CLTC: variants seen among roughly 807,000 people sequenced by gnomAD.
CLTC encodes the protein clathrin heavy chain, also known as clathrin heavy chain 1.
CLTC carries 16 observed loss-of-function variants against 195.8 expected under a neutral mutation model. The ratio of observed to expected loss-of-function variants is 0.08; its 90% CI spans 0.06 to 0.12. CLTC has a LOEUF of 0.12. Among genes scored for constraint, CLTC ranks in the 10% least tolerant of loss-of-function variants. The probability of loss-of-function intolerance (pLI) is 1.00; values close to 1 mark genes in which losing one functional copy is unlikely to be tolerated. For missense variants in CLTC, 796 were observed against 2,027.0 expected (o/e 0.39, Z 11.66); for synonymous variants, 667 against 689.4 (o/e 0.97, Z 0.51).
rs1036242446 is a variant in CLTC at position 59,696,280 on chromosome 17, G to A, written c.*2428G>A. ...CTCCTGTGCTGTCATATGCCTGTGC[G>A]AAGTGTATTAAATGAATCAAATATT... On this transcript the variant is annotated 3_prime_UTR_variant, in exon 32 of 32. Transcript: ENST00000269122. The A allele has an allele frequency of 3.6e-5, 8 of 221,800 alleles. No individual in the cohort carries two copies. The highest frequency in any genetic ancestry group is 1.1e-4 in the African/African-American group (5 of 44,660). The allele number at this position is 221,800 out of a possible 1,614,324, so 13.7% of individuals were successfully genotyped here. A position where few individuals can be genotyped will look rare whatever the true frequency, so the allele number is the denominator to read the frequency against.
At chr17:59,631,969 CA>C (rs201741031) in intron 1 of CLTC, among the ~76,000 whole-genome samples, 5,012 of 127,266 alleles carry the variant, frequency 0.039, 242 homozygotes, top group African/African-American at 0.14. Flanking sequence ...GACCCTATCT[CA>C]AAAAAAAAAA....
At position 59,642,299 on chromosome 17, in the gene CLTC, T is replaced by C. The variant is rs902202845; in HGVS notation, c.43-1977T>C. On this transcript the variant is annotated intron_variant, in intron 1 of 31. Coordinates refer to ENST00000269122, the MANE Select transcript of CLTC (RefSeq NM_004859.4). ...GTGGTTTTGAATTTAATTTCACTATTTGACTAACACTATTTTTACTCCGAC... is the reference window on the plus strand; with the variant it reads ...GTGGTTTTGAATTTAATTTCACTATCTGACTAACACTATTTTTACTCCGAC... Among the ~76,000 whole-genome samples the C allele has an allele frequency of 5.3e-4, 80 of 152,196 alleles. 2 individuals are homozygous for C. The highest frequency in any genetic ancestry group is 2.9e-4 in the African/African-American group (12 of 41,434).
intron 1 of CLTC, 105 bp downstream of exon 1, chr17:59,620,278 G>GT: frequency 8.3e-7 from 1 of 1,202,496 alleles, no homozygotes; most frequent in Non-Finnish European, 1.2e-6. Context: ...GGGGCGGGGG[G>GT]GTTGTCGGTG....
intron 5 of CLTC, among the ~76,000 whole-genome samples, chr17:59,653,945 G>C (rs2032397285): frequency 6.6e-6 from 1 of 150,988 alleles, no homozygotes; most frequent in South Asian, 2.1e-4. Flanking sequence ...GCTAATTTTT[G>C]TATTTTTAGT....
intron 1 of CLTC, among the ~76,000 whole-genome samples, chr17:59,621,741 A>C (rs1034216876): frequency 6.6e-6 from 1 of 152,256 alleles, no homozygotes; most frequent in Non-Finnish European, 1.5e-5. Flanking sequence ...AAAAATGTTA[A>C]ATAACAAAAT....
chr17:59,672,674 T>A lies in CLTC; in HGVS notation c.2293-973T>A, dbSNP rs374388765. On this transcript the variant is annotated intron_variant, in intron 14 of 31. Coordinates refer to ENST00000269122, the MANE Select transcript of CLTC (RefSeq NM_004859.4). ...GGCTATATTAAAATTAAGATTTACC[T>A]TGGTGTTCTTGGGACACTTCATAGA... Among the ~76,000 whole-genome samples, 818 of 152,314 alleles carry A rather than the reference T, an allele frequency of 5.4e-3. 5 individuals carry two copies. The highest frequency in any genetic ancestry group is 0.019 in the African/African-American group (775 of 41,558).
intron 9 of CLTC, 109 bp from the exon 10 acceptor site, chr17:59,664,676 TTG>T: frequency 8.8e-7 from 1 of 1,138,362 alleles, no homozygotes; most frequent in East Asian, 2.6e-5. Context: ...GAAAATGAAT[TTG>T]TGCTTTCACC....
intron 14 of CLTC, among the ~76,000 whole-genome samples, chr17:59,669,537 G>A (rs2032800550): frequency 6.6e-6 from 1 of 152,166 alleles, no homozygotes; most frequent in Admixed American, 6.5e-5. Context: ...CTGAACTCTA[G>A]AACATCCCTA....
At chr17:59,677,211 G>A (rs943657064) in intron 17 of CLTC, 23 bp downstream of exon 17, 3 of 1,555,846 alleles carry the variant, frequency 1.9e-6, no homozygotes, top group Non-Finnish European at 2.7e-6. Context: ...AGCTGAATAT[G>A]TAGAGAAGCT....
chr17:59,644,653 C>A (rs540177951), intron 2 of CLTC, among the ~76,000 whole-genome samples, 170 bp downstream of exon 2: 1 of 151,942 alleles, frequency 6.6e-6, no homozygotes, highest in African/African-American at 2.4e-5. Flanking sequence ...CAGGTTCAAG[C>A]GATTCTCTTG....
chr17:59,694,811 G>A lies in CLTC; in HGVS notation c.*959G>A. On this transcript the variant is annotated 3_prime_UTR_variant, in exon 32 of 32. Coordinates refer to ENST00000269122, the MANE Select transcript of CLTC (RefSeq NM_004859.4). ...TAATTAAATACCACTCAAACGAAAA[G>A]AACAGTAGTTTTTGTAGTTTTATAT... The A allele has an allele frequency of 4.4e-6, 1 of 226,552 alleles. No individual in the cohort carries two copies. The highest frequency in any genetic ancestry group is 8.8e-6 in the Non-Finnish European group (1 of 113,920). The allele number at this position is 226,552 out of a possible 1,614,324, so 14.0% of individuals were successfully genotyped here.
chr17:59,672,533 C>T (rs1165889177), intron 14 of CLTC, among the ~76,000 whole-genome samples: 2 of 152,082 alleles, frequency 1.3e-5, no homozygotes, highest in African/African-American at 4.8e-5. Flanking sequence ...TAGAAATGAT[C>T]GTAACAGCTA....
chr17:59,690,024 T>G (rs887738406), intron 30 of CLTC: 15 of 152,256 alleles, frequency 9.9e-5, no homozygotes, highest in African/African-American at 3.6e-4. Flanking sequence ...CAAACATTTT[T>G]GGGACAAAAT....
At chr17:59,638,820 G>A (rs1466053483) in intron 1 of CLTC, among the ~76,000 whole-genome samples, 4 of 152,114 alleles carry the variant, frequency 2.6e-5, no homozygotes, top group Non-Finnish European at 5.9e-5. Context: ...CCTGTGGTTC[G>A]GGATCCCTGC....
In CLTC at chr17:59,681,187, C is replaced by A. The variant is rs562858554; in HGVS notation, c.3066-108C>A. Reference sequence around the variant, plus strand: ...TTCTCACTCTTCTAATATCCTCCCCCCTACCCTACCTCTTGAGACAAAAAC... The same window carrying A: ...TTCTCACTCTTCTAATATCCTCCCCACTACCCTACCTCTTGAGACAAAAAC... On this transcript the variant is annotated intron_variant, in intron 19 of 31. Coordinates refer to ENST00000269122, the MANE Select transcript of CLTC (RefSeq NM_004859.4). The surrounding 1 kb of genome is among the most constrained non-coding windows in gnomAD (Gnocchi z 5.0). 6.3e-6 allele frequency: 9 copies of A among 1,438,312 alleles called. No homozygotes were observed. Among genetic ancestry groups the A allele is most frequent in the South Asian group, 4.0e-5 (3 of 74,858 alleles). 89.1% of individuals were successfully genotyped at this position (1,438,312 alleles called of 1,614,324 possible).
At position 59,681,365 on chromosome 17, in the gene CLTC, C is replaced by T. The variant is rs2143591504; in HGVS notation, c.3136C>T (p.Arg1046Cys). Residue 1046 changes from arginine to cysteine, a missense_variant, in exon 20 of 32, where the codon CGC (arginine) becomes TGC (cysteine). Physicochemically the swap from Arg to Cys is radical, Grantham distance 180. This residue lies in a region of CLTC where 160 missense variants were observed against 448.2 expected (regional missense o/e 0.36). Transcript: ENST00000269122. This position sits in a 1 kb window ranked among gnomAD's most constrained non-coding sequence, Gnocchi z 5.0. ...DRTRVMEYINRLDNYDAPDIA... is the reference protein window; with the variant it reads ...DRTRVMEYINCLDNYDAPDIA... ...TACACGTGTTATGGAGTATATTAAC[C>T]GCCTGGATAATTATGATGCCCCAGA... The T allele has an allele frequency of 6.2e-7, 1 of 1,613,970 alleles. No homozygotes were observed. The highest frequency in any genetic ancestry group is 8.5e-7 in the Non-Finnish European group (1 of 1,179,962).
At chr17:59,646,092 G>A (rs879888466) in intron 2 of CLTC, 21 of 501,382 alleles carry the variant, frequency 4.2e-5, no homozygotes, top group South Asian at 8.7e-5. Flanking sequence ...AAAGATTTTC[G>A]GAGCATTGTA....
intron 1 of CLTC, among the ~76,000 whole-genome samples, chr17:59,641,624 AAAAG>A (rs1432869708): frequency 6.6e-6 from 1 of 151,262 alleles, no homozygotes; most frequent in African/African-American, 2.4e-5. Context: ...AAAAAAAAAA[AAAAG>A]AGTTTGTCAC....
chr17:59,652,178 T>G (rs1208308648), intron 5 of CLTC, among the ~76,000 whole-genome samples: 1 of 152,202 alleles, frequency 6.6e-6, no homozygotes, highest in Non-Finnish European at 1.5e-5. Context: ...ACATCTCCAC[T>G]TACTTGCTCC....
Sources: gnomAD v4.1 joint callset for allele counts (sites outside exome capture counted in the v4.1 genomes callset) on GRCh38, gnomAD v4.1.1 for gene constraint, gnomAD v4.1.1 regional missense constraint, Gnocchi (gnomAD v3.1) non-coding constraint, MANE v1.5 for transcripts, NCBI Gene and HGNC (gene_info 2026-07-23, HGNC 2026-07-21) for gene names.